L3MBTL4: variants seen among roughly 807,000 people sequenced by gnomAD.
The protein encoded by L3MBTL4 is L3MBTL histone methyl-lysine binding protein 4.
Under a neutral mutation model 84.5 loss-of-function variants are expected in L3MBTL4, and 70 were observed. The observed-to-expected ratio is 0.83, with a 90% CI of 0.68 to 1.01. L3MBTL4 has a LOEUF of 1.01. L3MBTL4 is among the 50% of genes least tolerant of loss of function. The probability of loss-of-function intolerance (pLI) is 0.00; values close to 1 mark genes in which losing one functional copy is unlikely to be tolerated. For missense variants in L3MBTL4, 715 were observed against 754.8 expected (o/e 0.95, Z 0.62); for synonymous variants, 274 against 259.8 (o/e 1.05, Z -0.52).
At chr18:6,029,948 C>G (rs1051622001) in intron 16 of L3MBTL4, 10 of 985,246 alleles carry the variant, frequency 1.0e-5, no homozygotes, top group South Asian at 4.7e-5. Flanking sequence ...CAAGCTGACA[C>G]CTACAGAAGA....
intron 16 of L3MBTL4, among the ~76,000 whole-genome samples, chr18:6,024,789 A>G (rs2055428395): frequency 1.3e-5 from 2 of 152,170 alleles, no homozygotes; most frequent in Admixed American, 6.5e-5. Context: ...ACTCAAATCA[A>G]TGAGTATTAA....
At chr18:6,376,573 A>T (rs1471921248) in intron 1 of L3MBTL4, among the ~76,000 whole-genome samples, 1 of 152,006 alleles carries the variant, frequency 6.6e-6, no homozygotes, top group Non-Finnish European at 1.5e-5. Flanking sequence ...CATCTGTACA[A>T]CAACAACAAC....
chr18:6,099,133 G>A (rs546453626), intron 14 of L3MBTL4, among the ~76,000 whole-genome samples: 33 of 152,214 alleles, frequency 2.2e-4, no homozygotes, highest in Non-Finnish European at 3.4e-4. Context: ...CTCCCGCCCC[G>A]GGAAAGCAAT....
At chr18:6,316,079 T>C (rs2051079898) in intron 1 of L3MBTL4, among the ~76,000 whole-genome samples, 1 of 150,424 alleles carries the variant, frequency 6.6e-6, no homozygotes, top group Non-Finnish European at 1.5e-5. Context: ...TCGGAGCTAG[T>C]GCTGGTGCCT....
intron 12 of L3MBTL4, among the ~76,000 whole-genome samples, chr18:6,185,098 A>G (rs547318067): frequency 6.6e-6 from 1 of 152,368 alleles, no homozygotes; most frequent in Non-Finnish European, 1.5e-5. Flanking sequence ...TTTTGATCAT[A>G]TTAAATTCCA....
chr18:6,109,050 T>G (rs1019427090), intron 14 of L3MBTL4, among the ~76,000 whole-genome samples: 38 of 152,162 alleles, frequency 2.5e-4, no homozygotes, highest in Admixed American at 2.5e-3. Flanking sequence ...CAAGGGACTA[T>G]GAGTCTATGC....
intron 15 of L3MBTL4, among the ~76,000 whole-genome samples, chr18:6,082,973 G>T (rs1483894925): frequency 6.6e-6 from 1 of 152,106 alleles, no homozygotes; most frequent in African/African-American, 2.4e-5. Context: ...ACTCTACAAG[G>T]TTGGGATAGT....
At chr18:6,195,113 G>A (rs2045316313) in intron 12 of L3MBTL4, among the ~76,000 whole-genome samples, 2 of 152,186 alleles carry the variant, frequency 1.3e-5, no homozygotes, top group African/African-American at 4.8e-5. Flanking sequence ...AGGTACTCAG[G>A]AGGTAATGAT....
intron 16 of L3MBTL4, among the ~76,000 whole-genome samples, chr18:6,024,737 G>A (rs934519633): frequency 2.0e-5 from 3 of 152,140 alleles, no homozygotes; most frequent in Non-Finnish European, 4.4e-5. Context: ...GATAAATTCA[G>A]CTGCAGAATG....
chr18:6,302,502 C>A (rs2050386424), intron 3 of L3MBTL4, among the ~76,000 whole-genome samples: 1 of 152,200 alleles, frequency 6.6e-6, no homozygotes, highest in Admixed American at 6.5e-5. Flanking sequence ...GATGGTGCAG[C>A]CCCACCCCAT....
chr18:6,021,160 C>T lies in L3MBTL4; in HGVS notation c.1445-51598G>A, dbSNP rs117842944. Among the ~76,000 whole-genome samples the T allele has an allele frequency of 1.4e-4, 21 of 152,224 alleles. No homozygotes were observed. The East Asian group carries it at 3.3e-3, about 24-fold the overall frequency. ...TAAGTGAAGCCCTGGACACAGTCCT[C>T]GAGTTTTGCAATGAGGTGCTCAGTG... On this transcript the variant is annotated intron_variant, in intron 16 of 18. Transcript: ENST00000317931.
chr18:6,311,961 A>C (rs974126446), intron 2 of L3MBTL4, 37 bp downstream of exon 2: 1 of 244,168 alleles, frequency 4.1e-6, no homozygotes, highest in African/African-American at 2.3e-5. Flanking sequence ...ACCAATTAGG[A>C]TTCACTGCAA....
intron 5 of L3MBTL4, among the ~76,000 whole-genome samples, chr18:6,254,136 G>T (rs1479254116): frequency 6.6e-6 from 1 of 152,002 alleles, no homozygotes; most frequent in Admixed American, 6.6e-5. Context: ...ATTTCCCCAA[G>T]GATATTATTA....
In L3MBTL4 at chr18:6,358,937, A is replaced by G. The variant is rs962329170; in HGVS notation, c.-90-46881T>C. On this transcript the variant is annotated intron_variant, in intron 1 of 18. Coordinates refer to ENST00000317931, the MANE Select transcript of L3MBTL4 (RefSeq NM_001330559.2). ...TGTTCCATATTCCAGTGGATAGCCC[A>G]GGTATGATTTCAGTTTATGAAAATG... is the stretch of plus-strand genomic sequence containing the variant. Among the ~76,000 whole-genome samples, 67 of 152,216 alleles carry G rather than the reference A, an allele frequency of 4.4e-4. 1 individual carries two copies. The highest frequency in any genetic ancestry group is 1.5e-3 in the African/African-American group (64 of 41,446).
chr18:6,264,107 C>G, intron 4 of L3MBTL4, 69 bp from the exon 5 acceptor site: 1 of 1,152,662 alleles, frequency 8.7e-7, no homozygotes, highest in Non-Finnish European at 1.3e-6. Flanking sequence ...ACTTACTTGA[C>G]AATAAACTCA....
chr18:6,097,818 C>A (rs142595443), intron 14 of L3MBTL4, among the ~76,000 whole-genome samples: 51 of 152,268 alleles, frequency 3.3e-4, no homozygotes, highest in Non-Finnish European at 6.0e-4. Flanking sequence ...GGTATGGACA[C>A]CCTAAGTTCC....
rs1400069445 is a variant in L3MBTL4, at chr18:6,257,650, T to TC, written c.219+6296_219+6297insG. Among the ~76,000 whole-genome samples the TC allele has an allele frequency of 4.8e-5, 7 of 146,858 alleles. No individual in the cohort carries two copies. The East Asian group carries it at 5.8e-4, about 12-fold the overall frequency. On this transcript the variant is annotated intron_variant, in intron 5 of 18. Coordinates refer to ENST00000317931, the MANE Select transcript of L3MBTL4 (RefSeq NM_001330559.2). ...TTCTTTTTCTTTTTCTTTTTCTTTT[T>TC]TTTTTTTTTTTTTTAAATGGAGTTT...
chr18:6,253,507 T>C lies in L3MBTL4; in HGVS notation c.220-8919A>G, dbSNP rs114847456. ...AGGGGGTAAAATGGGCAGTGCCTGA[T>C]GCCTGGCTGGAGGCAGAGGACAAGG... On this transcript the variant is annotated intron_variant, in intron 5 of 18. Transcript: ENST00000317931. Among the ~76,000 whole-genome samples the C allele has an allele frequency of 8.3e-3, 1,267 of 152,320 alleles. 18 individuals carry two copies. The highest frequency in any genetic ancestry group is 0.029 in the African/African-American group (1,222 of 41,568).
intron 16 of L3MBTL4, among the ~76,000 whole-genome samples, chr18:6,072,696 AC>A (rs1307776815): frequency 1.5e-3 from 169 of 112,130 alleles, no homozygotes; most frequent in African/African-American, 5.4e-3. Flanking sequence ...ACACACACAC[AC>A]AAAAAAAAAT....
Sources: gnomAD v4.1 joint callset for allele counts (sites outside exome capture counted in the v4.1 genomes callset) on GRCh38, gnomAD v4.1.1 for gene constraint, MANE v1.5 for transcripts, NCBI Gene and HGNC (gene_info 2026-07-23, HGNC 2026-07-21) for gene names.